ZNF365: variants seen among roughly 807,000 people sequenced by gnomAD.
The protein encoded by ZNF365 is zinc finger protein 365.
ZNF365 carries 22 observed loss-of-function variants against 35.0 expected under a neutral mutation model. The ratio of observed to expected loss-of-function variants is 0.63; its 90% CI spans 0.45 to 0.90. The LOEUF is 0.90. Among genes scored for constraint, ZNF365 ranks in the 40% least tolerant of loss-of-function variants. The probability of loss-of-function intolerance (pLI) is 0.00; values close to 1 mark genes in which losing one functional copy is unlikely to be tolerated. For synonymous variants in ZNF365, 188 were observed against 196.2 expected, an observed-to-expected ratio of 0.96 and a Z score of 0.35; for missense variants, 448 against 500.3, an observed-to-expected ratio of 0.90 and a Z score of 1.00.
intron 4 of ZNF365, among the ~76,000 whole-genome samples, chr10:62,478,802 C>T (rs1841174768): frequency 6.6e-6 from 1 of 152,168 alleles, no homozygotes; most frequent in Admixed American, 6.5e-5. Flanking sequence ...TCTCGATCTC[C>T]TGACCTCGTG....
rs747615928 is a variant in ZNF365, at chr10:62,376,530, A to G, written c.337A>G (p.Lys113Glu). 19 of 1,614,008 alleles carry G rather than the reference A, an allele frequency of 1.2e-5. No homozygotes were observed. In the East Asian group the frequency reaches 2.2e-4, roughly 19 times the overall value. ...TTCACATGAACATTCCAAGGACAGGAAGCCATTTGAGGTGGTGGCAGAGAG... is the reference window on the plus strand; with the variant it reads ...TTCACATGAACATTCCAAGGACAGGGAGCCATTTGAGGTGGTGGCAGAGAG... ...SISHEHSKDR[K>E]PFEVVAERPV... The change falls in exon 2 of 5, where the codon AAG (lysine) becomes GAG (glutamate). Residue 113 changes from lysine to glutamate, a missense_variant. By Grantham distance (56) the Lys-to-Glu change is moderately conservative. Coordinates refer to ENST00000395254, the MANE Select transcript of ZNF365 (RefSeq NM_014951.3).
chr10:62,459,121 C>G (rs1005340364), intron 3 of ZNF365, among the ~76,000 whole-genome samples: 7 of 152,186 alleles, frequency 4.6e-5, no homozygotes, highest in Non-Finnish European at 1.0e-4. Context: ...TATGGTTCTA[C>G]TGAGGATGGC....
chr10:62,411,361 G>A (rs1839982373), intron 3 of ZNF365, among the ~76,000 whole-genome samples: 1 of 152,082 alleles, frequency 6.6e-6, no homozygotes, highest in Non-Finnish European at 1.5e-5. Flanking sequence ...CTGTGTCTAT[G>A]TCCTAAATGG....
chr10:62,407,817 A>G (rs1429035520), intron 3 of ZNF365, among the ~76,000 whole-genome samples: 1 of 152,192 alleles, frequency 6.6e-6, no homozygotes. Context: ...AGACATTGCT[A>G]ATTGGCCAGG....
chr10:62,418,593 A>G (rs1589445137), intron 3 of ZNF365, among the ~76,000 whole-genome samples: 1 of 116,396 alleles, frequency 8.6e-6, no homozygotes, highest in East Asian at 3.2e-4. Flanking sequence ...AGATGTTTAT[A>G]ATAAATTTTC....
chr10:62,426,646 G>A (rs1840253887), intron 3 of ZNF365, among the ~76,000 whole-genome samples: 1 of 152,104 alleles, frequency 6.6e-6, no homozygotes, highest in Admixed American at 6.6e-5. Flanking sequence ...GCAGGCTAGA[G>A]CTTTTACTGG....
chr10:62,422,881 C>G (rs1840195614), intron 3 of ZNF365, among the ~76,000 whole-genome samples: 2 of 152,058 alleles, frequency 1.3e-5, no homozygotes, highest in Admixed American at 6.5e-5. Flanking sequence ...TGTGTGAGTA[C>G]CTGGCACAGA....
chr10:62,447,513 A>G (rs1373112891), intron 3 of ZNF365, among the ~76,000 whole-genome samples: 5 of 152,184 alleles, frequency 3.3e-5, no homozygotes, highest in Admixed American at 2.6e-4. Flanking sequence ...CATGTATTTA[A>G]AAGTCACTGG....
chr10:62,402,579 T>C (rs1011465970), downstream of ZNF365: 9 of 508,294 alleles, frequency 1.8e-5, no homozygotes, highest in Non-Finnish European at 2.3e-5. Flanking sequence ...GGATCTTGTG[T>C]ACCTATAGGT....
chr10:62,468,222 T>A (rs1233915904), intron 4 of ZNF365, among the ~76,000 whole-genome samples: 5 of 152,196 alleles, frequency 3.3e-5, no homozygotes, highest in Non-Finnish European at 5.9e-5. Context: ...TAGTATACAG[T>A]CATATACTAT....
intron 4 of ZNF365, among the ~76,000 whole-genome samples, chr10:62,478,894 C>T (rs1841176460): frequency 6.6e-6 from 1 of 152,174 alleles, no homozygotes; most frequent in South Asian, 2.1e-4. Flanking sequence ...TTTTTTAAGT[C>T]TTAAACAATG....
intron 3 of ZNF365, among the ~76,000 whole-genome samples, chr10:62,425,559 C>G (rs1274013738): frequency 6.6e-6 from 1 of 152,136 alleles, no homozygotes; most frequent in East Asian, 1.9e-4. Context: ...CAGATATGGT[C>G]CAGTCAAGGA....
chr10:62,379,497 T>C (rs1839397992), intron 2 of ZNF365, among the ~76,000 whole-genome samples: 2 of 152,160 alleles, frequency 1.3e-5, no homozygotes, highest in South Asian at 4.1e-4. Context: ...CATCAGTTTC[T>C]GTATTCAGGC....
In ZNF365 at chr10:62,401,031, AT is replaced by A; in HGVS notation, c.*1248del. The A allele has an allele frequency of 1.0e-6, 1 of 985,344 alleles. No individual in the cohort carries two copies. Among genetic ancestry groups the A allele is most frequent in the Non-Finnish European group, 1.2e-6 (1 of 829,870 alleles). The allele number at this position is 985,344 out of a possible 1,614,324, so 61.0% of individuals were successfully genotyped here. ...TTCCTCAAGAATGAATTTCCATGTT[AT>A]TTTTTCCTTAAATTTAGCAATATCA... On this transcript the variant is annotated 3_prime_UTR_variant, in exon 5 of 5. Coordinates refer to ENST00000395254, the MANE Select transcript of ZNF365 (RefSeq NM_014951.3).
chr10:62,377,042 C>G lies in ZNF365; in HGVS notation c.743+106C>G. The G allele has an allele frequency of 3.6e-6, 5 of 1,394,270 alleles. No homozygotes were observed. The South Asian group carries it at 7.2e-5, about 20-fold the overall frequency. 86.4% of individuals were successfully genotyped at this position (1,394,270 alleles called of 1,614,324 possible). A position where few individuals can be genotyped will look rare whatever the true frequency, so the allele number is the denominator to read the frequency against. ...GTTGATTTTTGCTATTTGCAGGTGC[C>G]TTGACTGCATTTCTTATTGATATAG... On this transcript the variant is annotated intron_variant, in intron 2 of 4. Coordinates refer to ENST00000395254, the MANE Select transcript of ZNF365 (RefSeq NM_014951.3).
chr10:62,437,965 G>A (rs1313690536), intron 3 of ZNF365, among the ~76,000 whole-genome samples: 2 of 152,106 alleles, frequency 1.3e-5, no homozygotes, highest in Admixed American at 6.5e-5. Context: ...TTCTTCTGTC[G>A]TGATGCATAG....
Position 62,479,608 on chromosome 10 carries a change from C to T in ZNF365, c.982-268C>T, listed in dbSNP as rs1348878405. Among the ~76,000 whole-genome samples, 4 of 152,152 alleles carry T rather than the reference C, an allele frequency of 2.6e-5. No individual in the cohort carries two copies. In the East Asian group the frequency reaches 7.7e-4, roughly 29 times the overall value. On this transcript the variant is annotated intron_variant, in intron 4 of 4. Coordinates refer to the ZNF365 transcript ENST00000395255. ...GAAATGGATAAAAACAGAGACTGTT[C>T]TATTCAAATCAGGATGTATAATTCC... is the stretch of plus-strand genomic sequence containing the variant.
intron 3 of ZNF365, among the ~76,000 whole-genome samples, chr10:62,419,428 G>T (rs1840131360): frequency 6.7e-6 from 1 of 149,720 alleles, no homozygotes; most frequent in Admixed American, 6.7e-5. Flanking sequence ...CTATCTAGAA[G>T]ACTTAGATCC....
chr10:62,417,909 G>T (rs548862261), intron 3 of ZNF365, among the ~76,000 whole-genome samples: 61 of 152,096 alleles, frequency 4.0e-4, no homozygotes, highest in African/African-American at 1.4e-3. Context: ...AGGAAGCAAT[G>T]AAGTGATAAA....
Sources: gnomAD v4.1 joint callset for allele counts (sites outside exome capture counted in the v4.1 genomes callset) on GRCh38, gnomAD v4.1.1 for gene constraint, MANE v1.5 for transcripts, NCBI Gene and HGNC (gene_info 2026-07-23, HGNC 2026-07-21) for gene names.